AGBL1: variants seen among roughly 807,000 people sequenced by gnomAD.
The protein encoded by AGBL1 is cytosolic carboxypeptidase 4.
A neutral mutation model predicts 118.9 loss-of-function variants in AGBL1; 130 were observed. The observed-to-expected ratio is 1.09, with a 90% confidence interval of 0.95 to 1.26. The LOEUF is 1.26. Ranked by LOEUF, AGBL1 falls within the 50% of genes most tolerant of loss-of-function variation. The pLI is 0.00. For synonymous variants in AGBL1, 555 were observed against 478.9 expected (o/e 1.16, Z -2.08); for missense variants, 1,584 against 1,298.1 (o/e 1.22, Z -3.38).
intron 22 of AGBL1, among the ~76,000 whole-genome samples, chr15:86,809,713 T>G (rs12905820): frequency 1.2e-3 from 190 of 152,108 alleles, no homozygotes; most frequent in African/African-American, 4.3e-3. Context: ...TCTAGAGATA[T>G]GTAGCTCTAT....
At chr15:86,230,435 C>T (rs1191768756) in intron 6 of AGBL1, among the ~76,000 whole-genome samples, 1 of 152,180 alleles carries the variant, frequency 6.6e-6, no homozygotes, top group Non-Finnish European at 1.5e-5. Flanking sequence ...ATTGTTAATC[C>T]TTTGATCTCA....
At chr15:86,298,943 G>C (rs1198159738) in intron 17 of AGBL1, among the ~76,000 whole-genome samples, 1 of 152,158 alleles carries the variant, frequency 6.6e-6, no homozygotes, top group Non-Finnish European at 1.5e-5. Flanking sequence ...GTTCCTCCCA[G>C]GGTCTGAGCT....
At chr15:86,155,893 G>T (rs561592299) in intron 4 of AGBL1, among the ~76,000 whole-genome samples, 174 of 152,124 alleles carry the variant, frequency 1.1e-3, no homozygotes, top group African/African-American at 4.0e-3. Context: ...TTAAACAAAA[G>T]AAATGTATTT....
At chr15:86,867,577 C>T (rs781350814) in intron 22 of AGBL1, among the ~76,000 whole-genome samples, 1 of 152,018 alleles carries the variant, frequency 6.6e-6, no homozygotes, top group African/African-American at 2.4e-5. Context: ...TTGTGTTATA[C>T]TTGAAATAGA....
chr15:86,577,739 C>T (rs2084112352), intron 21 of AGBL1, among the ~76,000 whole-genome samples: 1 of 152,142 alleles, frequency 6.6e-6, no homozygotes, highest in Non-Finnish European at 1.5e-5. Flanking sequence ...TGAAAGGGGC[C>T]AACATAGAGC....
intron 22 of AGBL1, among the ~76,000 whole-genome samples, chr15:86,836,600 A>G (rs2079174547): frequency 6.6e-6 from 1 of 152,012 alleles, no homozygotes; most frequent in Non-Finnish European, 1.5e-5. Flanking sequence ...AAGCCATACA[A>G]TACCTCCCCT....
intron 22 of AGBL1, among the ~76,000 whole-genome samples, chr15:86,772,319 C>A (rs1215011035): frequency 1.3e-5 from 2 of 152,064 alleles, no homozygotes; most frequent in African/African-American, 2.4e-5. Context: ...ATTACCCAAG[C>A]AGCACCAGTA....
In AGBL1 at chr15:86,154,575, T is replaced by C. The variant is rs199905407; in HGVS notation, c.394+14T>C. 2.3e-5 allele frequency: 37 copies of C among 1,596,076 alleles called. No individual in the cohort carries two copies. The East Asian group carries it at 2.9e-4, about 13-fold the overall frequency. ...TTGCCTCCAGTGGTAAGTGACTCTATTGTGGCTCTCGGGGATGGCTTCCAA... is the reference window on the plus strand; with the variant it reads ...TTGCCTCCAGTGGTAAGTGACTCTACTGTGGCTCTCGGGGATGGCTTCCAA... On this transcript the variant is annotated intron_variant, in intron 4 of 22. Transcript: ENST00000614907.
intron 21 of AGBL1, among the ~76,000 whole-genome samples, chr15:86,565,544 G>T (rs910830780): frequency 3.3e-5 from 5 of 152,128 alleles, no homozygotes; most frequent in South Asian, 4.1e-4. Context: ...TGCCCCTACT[G>T]GGGGGTGCCT....
chr15:86,213,406 C>G (rs1014523468), intron 5 of AGBL1, among the ~76,000 whole-genome samples: 5 of 152,162 alleles, frequency 3.3e-5, no homozygotes, highest in Non-Finnish European at 7.3e-5. Context: ...GATTCCTAGA[C>G]CATAGCATTA....
intron 1 of AGBL1, among the ~76,000 whole-genome samples, chr15:86,094,568 A>G (rs1317457321): frequency 2.6e-5 from 4 of 152,088 alleles, no homozygotes; most frequent in East Asian, 1.9e-4. Context: ...TTGATCTGCA[A>G]TGTAGTCACA....
At chr15:86,319,698 G>A (rs1252867629) in intron 17 of AGBL1, among the ~76,000 whole-genome samples, 8 of 144,628 alleles carry the variant, frequency 5.5e-5, no homozygotes, top group African/African-American at 1.5e-4. Context: ...CTGATACCTC[G>A]TGGGGAAGTC....
chr15:86,508,861 A>G (rs1467044217), intron 18 of AGBL1, among the ~76,000 whole-genome samples: 1 of 152,168 alleles, frequency 6.6e-6, no homozygotes, highest in Non-Finnish European at 1.5e-5. Context: ...GCTAAAAAGA[A>G]CTGCTTTTAA....
downstream of AGBL1, among the ~76,000 whole-genome samples, chr15:86,917,882 A>G (rs1031686906): frequency 3.3e-5 from 5 of 152,112 alleles, no homozygotes; most frequent in Non-Finnish European, 7.3e-5. The surrounding 1 kb of genome is among the most constrained non-coding windows in gnomAD (Gnocchi z 4.8). Flanking sequence ...AGTGATGTCC[A>G]GGATTGAATT....
intron 18 of AGBL1, among the ~76,000 whole-genome samples, chr15:86,480,337 T>C (rs1227224477): frequency 6.6e-6 from 1 of 152,124 alleles, no homozygotes; most frequent in Non-Finnish European, 1.5e-5. Context: ...ACTGTAAATG[T>C]ACACAATTTA....
chr15:86,372,505 T>C (rs1005603703), intron 17 of AGBL1, among the ~76,000 whole-genome samples: 13 of 152,262 alleles, frequency 8.5e-5, no homozygotes. Context: ...TCTTCCTTTC[T>C]GTCTTTTTAC....
chr15:86,158,650 C>T (rs1188056324), intron 4 of AGBL1, among the ~76,000 whole-genome samples: 1 of 152,092 alleles, frequency 6.6e-6, no homozygotes, highest in African/African-American at 2.4e-5. Context: ...TGATAATCAC[C>T]CAATTGGCCA....
At chr15:86,430,489 CAAAA>C (rs556112771) in intron 18 of AGBL1, among the ~76,000 whole-genome samples, 1 of 85,282 alleles carries the variant, frequency 1.2e-5, no homozygotes, top group African/African-American at 4.2e-5. Flanking sequence ...AGCGCCGTCG[CAAAA>C]AAAAAAAAAA....
chr15:86,438,177 A>G (rs929654964), intron 18 of AGBL1, among the ~76,000 whole-genome samples: 37 of 152,140 alleles, frequency 2.4e-4, no homozygotes, highest in African/African-American at 8.9e-4. Flanking sequence ...AAGTGCTGGG[A>G]CAACAGGTGT....
Sources: gnomAD v4.1 joint callset for allele counts (sites outside exome capture counted in the v4.1 genomes callset) on GRCh38, gnomAD v4.1.1 for gene constraint, Gnocchi (gnomAD v3.1) non-coding constraint, MANE v1.5 for transcripts, NCBI Gene and HGNC (gene_info 2026-07-23, HGNC 2026-07-21) for gene names.